Variants in MYBL1 observed in about 807,000 individuals in gnomAD.
The protein encoded by MYBL1 is MYB proto-oncogene like 1, also known as myb-related protein A.
MYBL1 carries 17 observed loss-of-function variants against 96.3 expected under a neutral mutation model. The ratio of observed to expected loss-of-function variants is 0.18; its 90% CI spans 0.12 to 0.26. The LOEUF is 0.26. MYBL1 is among the 10% of genes least tolerant of loss of function. The pLI, the probability that MYBL1 is intolerant of heterozygous loss-of-function variation, is 1.00. For missense variants in MYBL1, 701 were observed against 882.9 expected (o/e 0.79, Z 2.61); for synonymous variants, 282 against 292.7 (o/e 0.96, Z 0.37).
At position 66,593,114 on chromosome 8, in the gene MYBL1, A is replaced by T; in HGVS notation, c.762+6T>A. On this transcript the variant is annotated splice_donor_region_variant and intron_variant, in intron 7 of 15. Transcript: ENST00000522677. ...TCCTTTGGTTTTCGTTATAAATAAAAGTTACCTGAATAAAGGCAGAAGTAG... is the reference window on the plus strand; with the variant it reads ...TCCTTTGGTTTTCGTTATAAATAAATGTTACCTGAATAAAGGCAGAAGTAG... The T allele has an allele frequency of 6.5e-7, 1 of 1,547,360 alleles. No homozygotes were observed. Among genetic ancestry groups the T allele is most frequent in the East Asian group, 2.3e-5 (1 of 43,140 alleles).
Position 66,612,859 on chromosome 8 carries a change from G to A in MYBL1, c.-21C>T, listed in dbSNP as rs369185230. The stretch of plus-strand genomic sequence containing the variant: ...GCCATCCTTCAAGTACCGCATAGGA[G>A]CAGGCTGGGCGGGGACGCGGGTCAG... On this transcript the variant is annotated 5_prime_UTR_variant, in exon 1 of 16. Transcript: ENST00000522677. 6 of 1,358,042 alleles carry A rather than the reference G, an allele frequency of 4.4e-6. No homozygotes were observed. The highest frequency in any genetic ancestry group is 2.8e-5 in the East Asian group (1 of 35,948). The allele number at this position is 1,358,042 out of a possible 1,614,324, so 84.1% of individuals were successfully genotyped here.
chr8:66,603,222 T>A (rs1420384516), intron 1 of MYBL1, among the ~76,000 whole-genome samples: 1 of 152,166 alleles, frequency 6.6e-6, no homozygotes, highest in African/African-American at 2.4e-5. Flanking sequence ...TCTTGTGTTT[T>A]AGAAAAATCA....
chr8:66,601,500 C>T (rs569876122), intron 3 of MYBL1, among the ~76,000 whole-genome samples, 198 bp downstream of exon 3: 8 of 152,092 alleles, frequency 5.3e-5, no homozygotes, highest in South Asian at 2.1e-4. Context: ...CCTGGATAAA[C>T]GCATTACTAG....
chr8:66,591,588 G>A (rs560046589), intron 8 of MYBL1, among the ~76,000 whole-genome samples: 1 of 151,930 alleles, frequency 6.6e-6, no homozygotes, highest in South Asian at 2.1e-4. Flanking sequence ...ATTGTTTAGA[G>A]AGCATAAAAT....
chr8:66,612,576 G>A (rs1586611366), intron 1 of MYBL1: 1 of 405,936 alleles, frequency 2.5e-6, no homozygotes, highest in Non-Finnish European at 4.3e-6. Context: ...CGCGCATTAC[G>A]GGGAGAGTCA....
chr8:66,606,912 T>G (rs1452541228), intron 1 of MYBL1, among the ~76,000 whole-genome samples: 1 of 152,030 alleles, frequency 6.6e-6, no homozygotes, highest in East Asian at 1.9e-4. Context: ...TTCCTCAGCC[T>G]CCCAGGTAGA....
intron 10 of MYBL1, 68 bp downstream of exon 10, chr8:66,575,939 G>A (rs961829107): frequency 1.4e-6 from 2 of 1,476,092 alleles, no homozygotes; most frequent in African/African-American, 2.8e-5. Context: ...TGCTAGTAAG[G>A]ATGTTAAAGA....
chr8:66,610,546 C>T (rs902654663), intron 1 of MYBL1, among the ~76,000 whole-genome samples: 10 of 152,110 alleles, frequency 6.6e-5, no homozygotes, highest in South Asian at 2.1e-4. Flanking sequence ...CAAATTACAA[C>T]TTGAAGTAAC....
At chr8:66,605,046 T>C (rs1810258212) in intron 1 of MYBL1, among the ~76,000 whole-genome samples, 1 of 152,156 alleles carries the variant, frequency 6.6e-6, no homozygotes, top group East Asian at 1.9e-4. Flanking sequence ...GCCACATTTT[T>C]TAAAAAAAGA....
chr8:66,565,687 T>C (rs1385091800), intron 15 of MYBL1, among the ~76,000 whole-genome samples: 1 of 152,072 alleles, frequency 6.6e-6, no homozygotes, highest in Non-Finnish European at 1.5e-5. Flanking sequence ...CTGGAAACCA[T>C]GGTACCAACA....
intron 1 of MYBL1, among the ~76,000 whole-genome samples, chr8:66,610,521 G>A (rs572477692): frequency 6.0e-4 from 91 of 152,000 alleles, no homozygotes; most frequent in African/African-American, 2.1e-3. Context: ...TTAAGTGGTT[G>A]TATACTGGAG....
At chr8:66,593,216 A>G (rs1325295167) in intron 6 of MYBL1, 22 bp from the exon 7 acceptor site, 1 of 1,405,738 alleles carries the variant, frequency 7.1e-7, no homozygotes. Context: ...TTAATGCATT[A>G]TTATCATACA....
chr8:66,612,698 G>T, intron 1 of MYBL1, 121 bp downstream of exon 1: 1 of 1,196,156 alleles, frequency 8.4e-7, no homozygotes. Flanking sequence ...GCGGGGACGC[G>T]GGAAGAAAAA....
intron 8 of MYBL1, among the ~76,000 whole-genome samples, chr8:66,587,764 C>T (rs927752863): frequency 1.3e-5 from 2 of 152,108 alleles, no homozygotes; most frequent in African/African-American, 4.8e-5. Context: ...AGCCACTAGC[C>T]ATATAAGCAA....
chr8:66,579,961 T>C (rs1437715232), intron 9 of MYBL1, among the ~76,000 whole-genome samples, 172 bp downstream of exon 9: 1 of 151,914 alleles, frequency 6.6e-6, no homozygotes, highest in East Asian at 1.9e-4. Flanking sequence ...ACAAGGCACA[T>C]ACTTGAGAAA....
chr8:66,592,139 A>C (rs1809671300), intron 8 of MYBL1, among the ~76,000 whole-genome samples: 1 of 151,886 alleles, frequency 6.6e-6, no homozygotes, highest in South Asian at 2.1e-4. Context: ...GGTGGCAGGC[A>C]CCTGTAGTCC....
intron 8 of MYBL1, among the ~76,000 whole-genome samples, chr8:66,581,575 C>G (rs1405212668): frequency 6.6e-6 from 1 of 152,060 alleles, no homozygotes; most frequent in South Asian, 2.1e-4. Context: ...ACTCGAGAGG[C>G]TGAGGTGAGG....
chr8:66,578,590 G>A (rs1809067035), intron 9 of MYBL1, among the ~76,000 whole-genome samples: 1 of 151,962 alleles, frequency 6.6e-6, no homozygotes. Flanking sequence ...AACAGGTGCT[G>A]GAGAGGATGT....
intron 1 of MYBL1, among the ~76,000 whole-genome samples, chr8:66,606,585 G>A (rs2052706448): frequency 6.6e-6 from 1 of 152,166 alleles, no homozygotes; most frequent in Non-Finnish European, 1.5e-5. Flanking sequence ...TAGATCCTTT[G>A]TAGGAACGTC....
Sources: allele counts gnomAD v4.1 joint callset (sites outside exome capture counted in the v4.1 genomes callset), GRCh38; gene constraint gnomAD v4.1.1; transcripts MANE v1.5; gene names NCBI Gene and HGNC (gene_info 2026-07-23, HGNC 2026-07-21).